Variants in PRKN observed in about 807,000 individuals in gnomAD.
PRKN encodes the protein parkin RBR E3 ubiquitin protein ligase.
In PRKN, 56 loss-of-function variants were observed where a neutral mutation model predicts 59.5. The observed-to-expected ratio is 0.94, with a 90% confidence interval of 0.76 to 1.18. The LOEUF is 1.18. Among genes scored for constraint, PRKN ranks in the 50% most tolerant of loss-of-function variants. The pLI, the probability that PRKN is intolerant of heterozygous loss-of-function variation, is 0.00. For synonymous variants in PRKN, 250 were observed against 222.1 expected (o/e 1.13, Z -1.12); for missense variants, 657 against 596.4 (o/e 1.10, Z -1.06).
chr6:161,846,445 A>G (rs187196052), intron 6 of PRKN, among the ~76,000 whole-genome samples: 1 of 152,292 alleles, frequency 6.6e-6, no homozygotes, highest in Non-Finnish European at 1.5e-5. Flanking sequence ...TTGTTCACTC[A>G]TTCATTCAAC....
chr6:161,922,069 G>T (rs1778804868), intron 6 of PRKN, among the ~76,000 whole-genome samples: 1 of 152,084 alleles, frequency 6.6e-6, no homozygotes, highest in South Asian at 2.1e-4. Flanking sequence ...TGTTTAAAAA[G>T]CCCAGAAAAT....
chr6:162,582,755 T>G (rs1339489614), intron 1 of PRKN, among the ~76,000 whole-genome samples: 6 of 152,192 alleles, frequency 3.9e-5, no homozygotes, highest in African/African-American at 1.2e-4. Flanking sequence ...TCTAAAAAAC[T>G]TATTGGCTGT....
chr6:162,138,739 T>C (rs745429646), intron 4 of PRKN, among the ~76,000 whole-genome samples: 1 of 152,062 alleles, frequency 6.6e-6, no homozygotes, highest in Non-Finnish European at 1.5e-5. Context: ...AAAAATACCA[T>C]ATTTTCAATA....
chr6:162,434,942 A>G (rs1387925893), intron 2 of PRKN, among the ~76,000 whole-genome samples: 1 of 152,230 alleles, frequency 6.6e-6, no homozygotes, highest in Non-Finnish European at 1.5e-5. Flanking sequence ...CTTTGGGTTC[A>G]GAGCTTTTGG....
intron 7 of PRKN, among the ~76,000 whole-genome samples, chr6:161,674,934 C>G (rs1353125063): frequency 6.6e-6 from 1 of 152,182 alleles, no homozygotes; most frequent in Non-Finnish European, 1.5e-5. Flanking sequence ...GGGCAAGCCT[C>G]TTGACAGTCA....
chr6:162,358,159 T>A (rs1399250762), intron 2 of PRKN, among the ~76,000 whole-genome samples: 1 of 152,176 alleles, frequency 6.6e-6, no homozygotes, highest in Non-Finnish European at 1.5e-5. Context: ...AGTGTATGTG[T>A]GTGTTGGGGG....
chr6:162,494,179 G>A (rs942926616), intron 1 of PRKN, among the ~76,000 whole-genome samples: 4 of 152,178 alleles, frequency 2.6e-5, no homozygotes, highest in Non-Finnish European at 4.4e-5. Flanking sequence ...GGTGGGATCT[G>A]GAAGATGGGC....
intron 4 of PRKN, among the ~76,000 whole-genome samples, chr6:162,170,322 T>A (rs1283477138): frequency 6.6e-6 from 1 of 152,204 alleles, no homozygotes. Context: ...CCGGAAAAGC[T>A]TCTTCCCACA....
At chr6:162,115,513 T>C (rs1379193515) in intron 4 of PRKN, among the ~76,000 whole-genome samples, 1 of 149,608 alleles carries the variant, frequency 6.7e-6, no homozygotes, top group African/African-American at 2.5e-5. Flanking sequence ...AATAAATACA[T>C]TAAAATAAAT....
intron 3 of PRKN, among the ~76,000 whole-genome samples, chr6:162,253,682 T>C (rs1211434596): frequency 6.6e-6 from 1 of 152,086 alleles, no homozygotes; most frequent in East Asian, 1.9e-4. Context: ...ATTTGTTAAA[T>C]ATGAGACACC....
At position 162,637,293 on chromosome 6, in the gene PRKN, G is replaced by A. The variant is rs1583956529; in HGVS notation, c.7+90369C>T. Among the ~76,000 whole-genome samples, 2 of 107,360 alleles carry A rather than the reference G, an allele frequency of 1.9e-5. 1 individual carries two copies. Among genetic ancestry groups the A allele is most frequent in the South Asian group, 6.2e-4 (2 of 3,232 alleles). The allele number at this position is 107,360 out of a possible 152,430, so 70.4% of individuals were successfully genotyped here. A position where few individuals can be genotyped will look rare whatever the true frequency, so the allele number is the denominator to read the frequency against. On this transcript the variant is annotated intron_variant, in intron 1 of 11. Transcript: ENST00000366898. ...CACCCGCCCCCCCCCCCAAAAAAAAGCAGCAGCAAAATAAAGTTAGAGACA... is the reference window on the plus strand; with the variant it reads ...CACCCGCCCCCCCCCCCAAAAAAAAACAGCAGCAAAATAAAGTTAGAGACA...
intron 1 of PRKN, among the ~76,000 whole-genome samples, chr6:162,523,306 C>T (rs868746554): frequency 2.0e-5 from 3 of 152,012 alleles, no homozygotes; most frequent in East Asian, 1.9e-4. Flanking sequence ...TTAGATGTGA[C>T]GAGCTGAAAG....
chr6:162,201,197 T>C lies in PRKN; in HGVS notation c.468A>G (p.Arg156=). The change falls in exon 4 of 12, where the codon AGA becomes AGG. Residue 156 remains arginine (R), a synonymous_variant. Coordinates refer to ENST00000366898, the MANE Select transcript of PRKN (RefSeq NM_004562.3). ...GTACCCTGAGTTTTCCCGGCTGCAC[T>C]CTTTGACAGGGGCCTTTGCAATACA... ...FYVYCKGPCQ[R]VQPGKLRVQC... is the part of the protein sequence containing the mutation. 6.2e-7 allele frequency: 1 copy of C among 1,614,078 alleles called. No homozygotes were observed. The highest frequency in any genetic ancestry group is 8.5e-7 in the Non-Finnish European group (1 of 1,179,946).
intron 6 of PRKN, among the ~76,000 whole-genome samples, chr6:161,895,753 G>A (rs1042550676): frequency 2.0e-5 from 3 of 151,008 alleles, no homozygotes; most frequent in African/African-American, 4.9e-5. Context: ...TTTTTCACCC[G>A]TAGTTAGCTG....
chr6:162,354,902 A>C (rs1344366776), intron 2 of PRKN, among the ~76,000 whole-genome samples: 2 of 152,012 alleles, frequency 1.3e-5, no homozygotes, highest in Non-Finnish European at 2.9e-5. Flanking sequence ...GAGACTCTTA[A>C]AATATCATAT....
chr6:162,145,308 A>T (rs1434186695), intron 4 of PRKN, among the ~76,000 whole-genome samples: 1 of 152,208 alleles, frequency 6.6e-6, no homozygotes, highest in Non-Finnish European at 1.5e-5. Context: ...TACATTCAGA[A>T]TAAGGATATG....
chr6:162,421,409 G>A (rs1788957181), intron 2 of PRKN, among the ~76,000 whole-genome samples: 1 of 152,174 alleles, frequency 6.6e-6, no homozygotes, highest in Non-Finnish European at 1.5e-5. Context: ...ACAGTTGATG[G>A]AGCTAAGACC....
chr6:161,682,539 T>C (rs1381408724), intron 7 of PRKN, among the ~76,000 whole-genome samples: 1 of 151,202 alleles, frequency 6.6e-6, no homozygotes, highest in Non-Finnish European at 1.5e-5. Context: ...AAAGGCCTCC[T>C]GTGGAGGGGC....
rs1554275446 is a variant in PRKN, at chr6:161,552,787, G to GTTGTTTTT, written c.934-3785_934-3784insAAAAACAA. ...TAAAAGACACCATGGTTTTGTTGTT[G>GTTGTTTTT]TTTTTGTTTTTTGTTTTTTTTTTTT... On this transcript the variant is annotated intron_variant, in intron 8 of 11. Coordinates refer to ENST00000366898, the MANE Select transcript of PRKN (RefSeq NM_004562.3). This position sits in a 1 kb window ranked among gnomAD's most constrained non-coding sequence, Gnocchi z 4.9. Among the ~76,000 whole-genome samples the GTTGTTTTT allele has an allele frequency of 2.5e-4, 22 of 86,548 alleles. 2 individuals carry two copies. Among genetic ancestry groups the GTTGTTTTT allele is most frequent in the Non-Finnish European group, 2.4e-4 (9 of 37,590 alleles). The allele number at this position is 86,548 out of a possible 152,430, so 56.8% of individuals were successfully genotyped here.
Sources: gnomAD v4.1 joint callset for allele counts (sites outside exome capture counted in the v4.1 genomes callset) on GRCh38, gnomAD v4.1.1 for gene constraint, Gnocchi (gnomAD v3.1) non-coding constraint, MANE v1.5 for transcripts, NCBI Gene and HGNC (gene_info 2026-07-23, HGNC 2026-07-21) for gene names.